The following SORCS2 variants were observed in gnomAD, a reference collection of about 807,000 sequenced individuals.
The protein encoded by SORCS2 is sortilin related VPS10 domain containing receptor 2.
Under a neutral mutation model 141.6 loss-of-function variants are expected in SORCS2, and 100 were observed. The ratio of observed to expected loss-of-function variants is 0.71; its 90% confidence interval spans 0.60 to 0.83. The LOEUF (loss-of-function observed/expected upper bound fraction) is 0.83, where lower values mean the gene tolerates loss of function less well. SORCS2 is among the 40% of genes least tolerant of loss of function. SORCS2 has a pLI of 0.00. For synonymous variants in SORCS2, 789 were observed against 676.9 expected (o/e 1.17, Z -2.57); for missense variants, 1,646 against 1,560.2 (o/e 1.05, Z -0.93).
At chr4:7,632,499 C>T (rs1390532483) in intron 3 of SORCS2, among the ~76,000 whole-genome samples, 1 of 152,228 alleles carries the variant, frequency 6.6e-6, no homozygotes, top group African/African-American at 2.4e-5. Context: ...CCCGTCTTTC[C>T]TGGCTCACTC....
chr4:7,631,205 G>A (rs922758823), intron 3 of SORCS2, among the ~76,000 whole-genome samples: 11 of 151,642 alleles, frequency 7.3e-5, no homozygotes, highest in East Asian at 3.9e-4. Flanking sequence ...ACTTGGCAGC[G>A]TCCCGCGGGC....
chr4:7,239,615 TG>T (rs1031905037), intron 1 of SORCS2, among the ~76,000 whole-genome samples: 11 of 152,144 alleles, frequency 7.2e-5, no homozygotes, highest in African/African-American at 2.7e-4. Flanking sequence ...AAACAGCCCC[TG>T]GGGAGCTGGG....
chr4:7,270,909 G>C (rs1019001579), intron 1 of SORCS2, among the ~76,000 whole-genome samples: 3 of 152,332 alleles, frequency 2.0e-5, no homozygotes, highest in Middle Eastern at 3.4e-3. Flanking sequence ...GGATACTTAC[G>C]TTCTCTCCAG....
At chr4:7,691,750 T>C (rs1411569590) in intron 11 of SORCS2, among the ~76,000 whole-genome samples, 1 of 152,090 alleles carries the variant, frequency 6.6e-6, no homozygotes, top group East Asian at 1.9e-4. Context: ...GGCTCCTCAA[T>C]GACAGGGTAT....
intron 2 of SORCS2, among the ~76,000 whole-genome samples, chr4:7,499,041 G>T (rs971132810): frequency 2.4e-4 from 37 of 152,032 alleles, no homozygotes; most frequent in African/African-American, 8.4e-4. Flanking sequence ...ACGGCACAGG[G>T]TGCATGTGTG....
chr4:7,556,876 TCCACCATCCACCCAC>T (rs1380681348), intron 3 of SORCS2, among the ~76,000 whole-genome samples: 1 of 141,424 alleles, frequency 7.1e-6, no homozygotes, highest in African/African-American at 2.7e-5. Context: ...CATCCATCCA[TCCACCATCCACCCAC>T]CCACCATCCA....
intron 2 of SORCS2, among the ~76,000 whole-genome samples, chr4:7,439,707 T>C (rs1287153694): frequency 6.6e-6 from 1 of 152,240 alleles, no homozygotes; most frequent in African/African-American, 2.4e-5. Context: ...GATCCAGGCA[T>C]GTTGTTCCCA....
intron 3 of SORCS2, among the ~76,000 whole-genome samples, chr4:7,540,046 C>G (rs1712474409): frequency 6.8e-6 from 1 of 147,186 alleles, no homozygotes; most frequent in South Asian, 2.2e-4. Context: ...GGAGGCCCCA[C>G]CCCCTGCCTG....
intron 2 of SORCS2, among the ~76,000 whole-genome samples, chr4:7,514,958 C>T (rs10034455): frequency 0.055 from 8,380 of 152,232 alleles, 544 homozygotes; most frequent in African/African-American, 0.16. Context: ...AGAGGTCACC[C>T]CCCAGGAATG....
At chr4:7,226,710 C>T (rs550492221) in intron 1 of SORCS2, among the ~76,000 whole-genome samples, 4 of 151,880 alleles carry the variant, frequency 2.6e-5, no homozygotes, top group South Asian at 2.1e-4. Context: ...GGCCCTGCGG[C>T]GGCTCGGTGT....
chr4:7,246,730 C>T lies in SORCS2; in HGVS notation c.480+53604C>T, dbSNP rs562309811. The stretch of plus-strand genomic sequence containing the variant: ...GCTGGGGAATCTGCACTCTGAGATC[C>T]GAGCCTTCCCTTCCCTGGTGAGAGA... On this transcript the variant is annotated intron_variant, in intron 1 of 26. Coordinates refer to ENST00000507866, the MANE Select transcript of SORCS2 (RefSeq NM_020777.3). Among the ~76,000 whole-genome samples the T allele has an allele frequency of 2.4e-4, 36 of 152,310 alleles. No individual in the cohort carries two copies. In the East Asian group the frequency reaches 5.4e-3, roughly 23 times the overall value.
At chr4:7,248,600 T>C (rs1387032976) in intron 1 of SORCS2, among the ~76,000 whole-genome samples, 2 of 152,272 alleles carry the variant, frequency 1.3e-5, no homozygotes, top group Non-Finnish European at 2.9e-5. Context: ...CTGTCTTGTC[T>C]CATTCTCAGT....
rs151037529 is a variant in SORCS2 at position 7,640,531 on chromosome 4, C to T, written c.813+2039C>T. 6.0e-4 allele frequency among the ~76,000 whole-genome samples: 90 copies of T among 150,424 alleles called. 1 individual carries two copies. Among genetic ancestry groups the T allele is most frequent in the African/African-American group, 2.0e-3 (80 of 40,884 alleles). On this transcript the variant is annotated intron_variant, in intron 4 of 26. Coordinates refer to ENST00000507866, the MANE Select transcript of SORCS2 (RefSeq NM_020777.3). ...GAGTGTGTGAGTGTATGTGGACGTG[C>T]GTGGGTGTGTGTAGATCTCCCTCTG...
At chr4:7,326,301 C>T (rs986694360) in intron 1 of SORCS2, among the ~76,000 whole-genome samples, 3 of 152,044 alleles carry the variant, frequency 2.0e-5, no homozygotes, top group Non-Finnish European at 2.9e-5. Context: ...TCCTTGAGTC[C>T]ACAGGTCATA....
chr4:7,368,647 G>A (rs2109038527), intron 1 of SORCS2, among the ~76,000 whole-genome samples: 1 of 152,340 alleles, frequency 6.6e-6, no homozygotes, highest in South Asian at 2.1e-4. Flanking sequence ...CTGGTTCATG[G>A]GAGGGGCCAA....
chr4:7,510,885 C>T (rs555519652), intron 2 of SORCS2, among the ~76,000 whole-genome samples: 19 of 152,322 alleles, frequency 1.2e-4, no homozygotes, highest in Admixed American at 3.3e-4. Flanking sequence ...CGCCTGACTT[C>T]ACACTTTCCT....
At chr4:7,528,290 A>G (rs1312828280) in intron 2 of SORCS2, among the ~76,000 whole-genome samples, 1 of 152,164 alleles carries the variant, frequency 6.6e-6, no homozygotes, top group Non-Finnish European at 1.5e-5. Context: ...GAGTGGGTGA[A>G]TCAATGTTCC....
chr4:7,629,326 G>A lies in SORCS2; in HGVS notation c.649-9002G>A, dbSNP rs373883166. Among the ~76,000 whole-genome samples, 158 of 152,254 alleles carry A rather than the reference G, an allele frequency of 1.0e-3. 1 individual carries two copies. Among genetic ancestry groups the A allele is most frequent in the Middle Eastern group, 3.4e-3 (1 of 294 alleles). ...CACAGCCTCCGGGAAGGGGCTCTCCGGAGCCAGAACATAGAGTGAGCCTGA... is the reference window on the plus strand; with the variant it reads ...CACAGCCTCCGGGAAGGGGCTCTCCAGAGCCAGAACATAGAGTGAGCCTGA... On this transcript the variant is annotated intron_variant, in intron 3 of 26. Coordinates refer to ENST00000507866, the MANE Select transcript of SORCS2 (RefSeq NM_020777.3).
intron 1 of SORCS2, among the ~76,000 whole-genome samples, chr4:7,309,090 G>T (rs758779783): frequency 1.3e-4 from 20 of 152,196 alleles, no homozygotes; most frequent in Non-Finnish European, 2.5e-4. Flanking sequence ...GCACCAGGCG[G>T]GCTGGGAGCC....
Sources: allele counts gnomAD v4.1 joint callset (sites outside exome capture counted in the v4.1 genomes callset), GRCh38; gene constraint gnomAD v4.1.1; transcripts MANE v1.5; gene names NCBI Gene and HGNC (gene_info 2026-07-23, HGNC 2026-07-21).